Variants in SIN3A observed in about 807,000 individuals in gnomAD.
SIN3A encodes paired amphipathic helix protein Sin3a.
A neutral mutation model predicts 146.1 loss-of-function variants in SIN3A; 14 were observed. The observed-to-expected ratio is 0.10, with a 90% CI of 0.06 to 0.15. The LOEUF (loss-of-function observed/expected upper bound fraction) is 0.15, where lower values mean the gene tolerates loss of function less well. Among genes scored for constraint, SIN3A ranks in the 10% least tolerant of loss-of-function variants. The pLI is 1.00. For missense variants in SIN3A, 1,028 were observed against 1,576.0 expected (o/e 0.65, Z 5.89); for synonymous variants, 572 against 572.0 (o/e 1.00, Z 0.00).
At chr15:75,376,857 C>CT (rs1433224272) in intron 19 of SIN3A, among the ~76,000 whole-genome samples, 9 of 95,394 alleles carry the variant, frequency 9.4e-5, no homozygotes, top group Non-Finnish European at 1.5e-4. Flanking sequence ...CAGACACTGT[C>CT]TTAAAAAAAA....
chr15:75,376,195 A>G (rs1266430389), intron 19 of SIN3A: 1 of 378,102 alleles, frequency 2.6e-6, no homozygotes, highest in Non-Finnish European at 4.9e-6. Flanking sequence ...ATTTGTTTTT[A>G]AGACAAAATA....
intron 20 of SIN3A, among the ~76,000 whole-genome samples, chr15:75,373,740 G>GT (rs1309494277): frequency 6.7e-6 from 1 of 148,826 alleles, no homozygotes; most frequent in African/African-American, 2.5e-5. Context: ...AGGAGACCCC[G>GT]TGTCTATTTT....
chr15:75,451,248 G>A (rs1460937085), intron 1 of SIN3A, 175 bp downstream of exon 1: 3 of 51,432 alleles, frequency 5.8e-5, no homozygotes, highest in African/African-American at 2.4e-4. Flanking sequence ...CCCCTCCCGC[G>A]CGGAGAGCTA....
In SIN3A at chr15:75,392,248, CTTT is replaced by C; in HGVS notation, c.2842_2844del (p.Lys948del). The C allele has an allele frequency of 1.2e-6, 2 of 1,612,518 alleles. No homozygotes were observed. Among genetic ancestry groups the C allele is most frequent in the Non-Finnish European group, 1.7e-6 (2 of 1,178,756 alleles). ...CAGAGGTCTCGGCACTCACTAGGTT[CTTT>C]GAGACGTAGCTGAATGGCAGGGCTG... On this transcript the variant is annotated inframe_deletion, in exon 15 of 21. Coordinates refer to ENST00000394947, the MANE Select transcript of SIN3A (RefSeq NM_001145358.2).
At chr15:75,393,964 C>A (rs748361584) in intron 14 of SIN3A, among the ~76,000 whole-genome samples, 2 of 152,064 alleles carry the variant, frequency 1.3e-5, no homozygotes, top group African/African-American at 4.8e-5. Flanking sequence ...CACACCACCA[C>A]GCCTGGCTAA....
chr15:75,382,890 C>T (rs1457091851), intron 17 of SIN3A, among the ~76,000 whole-genome samples: 1 of 152,136 alleles, frequency 6.6e-6, no homozygotes, highest in African/African-American at 2.4e-5. Flanking sequence ...CAAGACCAGC[C>T]TGACCAACAT....
At chr15:75,413,907 T>C (rs1405960074) in intron 4 of SIN3A, among the ~76,000 whole-genome samples, 1 of 152,168 alleles carries the variant, frequency 6.6e-6, no homozygotes, top group Non-Finnish European at 1.5e-5. Context: ...CATGCCAGAA[T>C]ATAAGGGTAT....
At chr15:75,432,173 T>C (rs987626705) in intron 1 of SIN3A, among the ~76,000 whole-genome samples, 2 of 152,346 alleles carry the variant, frequency 1.3e-5, no homozygotes, top group South Asian at 2.1e-4. Flanking sequence ...AGGTTGAGTA[T>C]ATAGATTTAT....
At chr15:75,420,793 A>G (rs1268149751) in intron 3 of SIN3A, 1 of 152,236 alleles carries the variant, frequency 6.6e-6, no homozygotes, top group Admixed American at 6.5e-5. Context: ...ACTGAGTTAA[A>G]TTACATGGAG....
At chr15:75,428,102 G>A (rs1272843236) in intron 2 of SIN3A, among the ~76,000 whole-genome samples, 3 of 152,166 alleles carry the variant, frequency 2.0e-5, no homozygotes, top group African/African-American at 7.2e-5. Flanking sequence ...AGTAACAGAT[G>A]AATGATCAGT....
At chr15:75,389,344 T>C (rs2073153877) in intron 16 of SIN3A, among the ~76,000 whole-genome samples, 1 of 150,750 alleles carries the variant, frequency 6.6e-6, no homozygotes, top group Non-Finnish European at 1.5e-5. Context: ...GAAGACGCAA[T>C]GTTCCACACT....
Position 75,451,610 on chromosome 15 carries a change from G to A in SIN3A, c.-221C>T, listed in dbSNP as rs1189776138. ...GGAAGGAGGGAGGGAGGGAGGGAGG[G>A]AAACTCCGAGGGGGGAAGGGGAGGG... On this transcript the variant is annotated 5_prime_UTR_variant, in exon 1 of 21. Transcript: ENST00000394947. The A allele has an allele frequency of 7.9e-6, 1 of 126,730 alleles. No individual in the cohort carries two copies. The highest frequency in any genetic ancestry group is 2.9e-5 in the African/African-American group (1 of 34,884). 7.9% of individuals were successfully genotyped at this position (126,730 alleles called of 1,614,324 possible). A position where few individuals can be genotyped will look rare whatever the true frequency, so the allele number is the denominator to read the frequency against.
intron 1 of SIN3A, among the ~76,000 whole-genome samples, chr15:75,443,249 C>T (rs1160696703): frequency 2.0e-5 from 3 of 152,234 alleles, no homozygotes; most frequent in Middle Eastern, 6.8e-3. Flanking sequence ...CTTCTCTTTG[C>T]CATTATAGGA....
intron 20 of SIN3A, among the ~76,000 whole-genome samples, chr15:75,375,436 G>A (rs1364862763): frequency 6.6e-6 from 1 of 152,168 alleles, no homozygotes; most frequent in Non-Finnish European, 1.5e-5. Context: ...CAACACTGCT[G>A]ACACTTGACT....
chr15:75,382,092 T>C (rs994885657), intron 17 of SIN3A, among the ~76,000 whole-genome samples: 1 of 152,234 alleles, frequency 6.6e-6, no homozygotes, highest in African/African-American at 2.4e-5. Flanking sequence ...AGGAGGTAAC[T>C]ATCAGAATCA....
chr15:75,385,021 C>T (rs899638813), intron 16 of SIN3A, among the ~76,000 whole-genome samples: 8 of 152,022 alleles, frequency 5.3e-5, no homozygotes, highest in Non-Finnish European at 1.0e-4. Flanking sequence ...TAAAAATACA[C>T]AAATAGCCGG....
chr15:75,441,232 C>T lies in SIN3A; in HGVS notation c.-34+10191G>A, dbSNP rs1250133718. 2.0e-5 allele frequency among the ~76,000 whole-genome samples: 3 copies of T among 151,908 alleles called. No homozygotes were observed. The South Asian group carries it at 6.2e-4, about 32-fold the overall frequency. On this transcript the variant is annotated intron_variant, in intron 1 of 20. Coordinates refer to ENST00000394947, the MANE Select transcript of SIN3A (RefSeq NM_001145358.2). ...AGCTGAGTCAGTAGAATTGCTTGAA[C>T]TTGGGAGGTGGAGGTTGACCGAGAT...
In SIN3A at chr15:75,394,660, T is replaced by C. The variant is rs560968356; in HGVS notation, c.2277+20A>G. 4 of 1,585,848 alleles carry C rather than the reference T, an allele frequency of 2.5e-6. No individual in the cohort carries two copies. The Admixed American group carries it at 5.5e-5, about 22-fold the overall frequency. On this transcript the variant is annotated intron_variant, in intron 14 of 20. Coordinates refer to ENST00000394947, the MANE Select transcript of SIN3A (RefSeq NM_001145358.2). The stretch of plus-strand genomic sequence containing the variant: ...ATATAGACTAGAGTCCTCTCACAGA[T>C]GCAGAAACCCCCCGCTCACCTCATC...
At chr15:75,436,035 A>G (rs1213210118) in intron 1 of SIN3A, among the ~76,000 whole-genome samples, 1 of 151,846 alleles carries the variant, frequency 6.6e-6, no homozygotes, top group Non-Finnish European at 1.5e-5. Context: ...ACTGAAGTGG[A>G]AGGATCTCTT....
Sources: allele counts gnomAD v4.1 joint callset (sites outside exome capture counted in the v4.1 genomes callset), GRCh38; gene constraint gnomAD v4.1.1; transcripts MANE v1.5; gene names NCBI Gene and HGNC (gene_info 2026-07-23, HGNC 2026-07-21).